The following FUT8 variants were observed in gnomAD, a reference collection of about 807,000 sequenced individuals.
The protein encoded by FUT8 is fucosyltransferase 8.
Under a neutral mutation model 71.3 loss-of-function variants are expected in FUT8, and 29 were observed. The observed-to-expected ratio is 0.41, with a 90% CI of 0.30 to 0.55. The LOEUF is 0.55. Among genes scored for constraint, FUT8 ranks in the 20% least tolerant of loss-of-function variants. FUT8 has a pLI of 0.34. For synonymous variants in FUT8, 254 were observed against 239.3 expected (o/e 1.06, Z -0.57); for missense variants, 544 against 702.1 (o/e 0.77, Z 2.55).
Position 65,413,160 on chromosome 14 carries a change from TG to T in FUT8, c.-378del, listed in dbSNP as rs1235505883. The T allele has an allele frequency of 2.0e-5, 3 of 152,858 alleles. No individual in the cohort carries two copies. The highest frequency in any genetic ancestry group is 7.2e-5 in the African/African-American group (3 of 41,458). The allele number at this position is 152,858 out of a possible 1,614,324, so 9.5% of individuals were successfully genotyped here. ...GTGGGGCAGCTGCGGCTGAGGGCTG[TG>T]GCTTTGGCAGCTGCGACGGGGAGCG... On this transcript the variant is annotated 5_prime_UTR_variant, in exon 1 of 11. Transcript: ENST00000673929. The surrounding 1 kb of genome is among the most constrained non-coding windows in gnomAD (Gnocchi z 4.1).
chr14:65,614,784 T>C (rs1889194005), intron 3 of FUT8, among the ~76,000 whole-genome samples: 1 of 152,198 alleles, frequency 6.6e-6, no homozygotes, highest in Non-Finnish European at 1.5e-5. Context: ...AAATCCTTAA[T>C]TATATATTCA....
At chr14:65,435,935 T>C (rs1156826854) in intron 1 of FUT8, among the ~76,000 whole-genome samples, 1 of 150,966 alleles carries the variant, frequency 6.6e-6, no homozygotes, top group African/African-American at 2.4e-5. Flanking sequence ...TTTTTTTTTT[T>C]TTTTTCTTTA....
chr14:65,522,842 G>A (rs974043280), intron 2 of FUT8, among the ~76,000 whole-genome samples: 3 of 151,572 alleles, frequency 2.0e-5, no homozygotes, highest in African/African-American at 4.9e-5. Flanking sequence ...CTGTCCTTGC[G>A]ATAGTTTGCT....
intron 7 of FUT8, among the ~76,000 whole-genome samples, chr14:65,701,670 A>G (rs1324726062): frequency 1.3e-5 from 2 of 152,210 alleles, no homozygotes; most frequent in Non-Finnish European, 2.9e-5. Context: ...CAAAATGACA[A>G]TTTATGAAGT....
chr14:65,673,087 T>C (rs1259071162), intron 7 of FUT8, among the ~76,000 whole-genome samples: 1 of 152,238 alleles, frequency 6.6e-6, no homozygotes, highest in Non-Finnish European at 1.5e-5. Flanking sequence ...ATGAAAATAA[T>C]GACTAGTAAA....
chr14:65,420,505 TTAATAGGGA>T (rs1262315091), intron 1 of FUT8, among the ~76,000 whole-genome samples: 5 of 151,992 alleles, frequency 3.3e-5, no homozygotes, highest in Admixed American at 3.3e-4. Context: ...TGAAAATGTT[TTAATAGGGA>T]TCATGTGTTC....
chr14:65,429,662 A>G (rs1336988074), intron 1 of FUT8, among the ~76,000 whole-genome samples: 1 of 152,062 alleles, frequency 6.6e-6, no homozygotes, highest in African/African-American at 2.4e-5. Flanking sequence ...CAGGAATTTG[A>G]GATCAGCCTG....
At chr14:65,561,108 C>T (rs137991681) in intron 2 of FUT8, among the ~76,000 whole-genome samples, 58 of 152,270 alleles carry the variant, frequency 3.8e-4, no homozygotes, top group African/African-American at 1.3e-3. Context: ...TGAGGACTTT[C>T]AGGCTTAGAG....
chr14:65,452,652 A>G (rs1207294798), intron 1 of FUT8, among the ~76,000 whole-genome samples: 1 of 152,220 alleles, frequency 6.6e-6, no homozygotes, highest in Non-Finnish European at 1.5e-5. Flanking sequence ...TCAATTGACT[A>G]CTGATCAATA....
chr14:65,381,668 C>T, the FUT8 span, among the ~76,000 whole-genome samples: 2 of 152,138 alleles, frequency 1.3e-5, no homozygotes, highest in Admixed American at 1.3e-4. Context: ...CAACTTAAAG[C>T]TTATCTTTTT....
chr14:65,451,583 G>C (rs1331549329), intron 1 of FUT8, among the ~76,000 whole-genome samples: 1 of 152,222 alleles, frequency 6.6e-6, no homozygotes, highest in Non-Finnish European at 1.5e-5. Context: ...ATCCACACTT[G>C]TGGCTCCTGA....
chr14:65,435,981 T>A (rs1245616108), intron 1 of FUT8, among the ~76,000 whole-genome samples: 1 of 147,758 alleles, frequency 6.8e-6, no homozygotes, highest in Non-Finnish European at 1.5e-5. Flanking sequence ...CAGACTGGAG[T>A]GCAGTGGTGT....
chr14:65,724,088 G>C, intron 8 of FUT8, 59 bp from the exon 9 acceptor site: 1 of 1,305,406 alleles, frequency 7.7e-7, no homozygotes, highest in Non-Finnish European at 1.0e-6. Context: ...TATAAATTGA[G>C]TACCCTCAAA....
At chr14:65,398,671 A>G in the FUT8 span, among the ~76,000 whole-genome samples, 2 of 152,040 alleles carry the variant, frequency 1.3e-5, no homozygotes, top group South Asian at 4.1e-4. Flanking sequence ...AGGAGCTTGC[A>G]GTAAGCTGAG....
chr14:65,454,797 C>T (rs1296984223), intron 1 of FUT8, among the ~76,000 whole-genome samples: 3 of 152,110 alleles, frequency 2.0e-5, no homozygotes, highest in Non-Finnish European at 2.9e-5. Context: ...ATTTGATGTG[C>T]GAATCTTTAT....
chr14:65,536,433 T>C (rs991003701), intron 2 of FUT8, among the ~76,000 whole-genome samples: 2 of 152,224 alleles, frequency 1.3e-5, no homozygotes, highest in Admixed American at 1.3e-4. Flanking sequence ...AAGGGGCTCT[T>C]GTAAGGCAAG....
chr14:65,697,933 CCATTCTGAGATCACGT>C (rs1251902179), intron 7 of FUT8, among the ~76,000 whole-genome samples: 2 of 151,798 alleles, frequency 1.3e-5, no homozygotes, highest in African/African-American at 2.4e-5. Context: ...TGAGATCACG[CCATTCTGAGATCACGT>C]CATTCCACTC....
intron 1 of FUT8, among the ~76,000 whole-genome samples, chr14:65,416,209 A>G (rs1163479869): frequency 6.6e-6 from 1 of 152,212 alleles, no homozygotes; most frequent in Non-Finnish European, 1.5e-5. Flanking sequence ...AAAGTTTTAC[A>G]ATCATAAGAG....
intron 6 of FUT8, among the ~76,000 whole-genome samples, chr14:65,639,789 C>A (rs1890743477): frequency 6.6e-6 from 1 of 152,070 alleles, no homozygotes; most frequent in African/African-American, 2.4e-5. Context: ...TGCTACTTAC[C>A]ATCTCTAGGT....
Sources: gnomAD v4.1 joint callset for allele counts (sites outside exome capture counted in the v4.1 genomes callset) on GRCh38, gnomAD v4.1.1 for gene constraint, Gnocchi (gnomAD v3.1) non-coding constraint, MANE v1.5 for transcripts, NCBI Gene and HGNC (gene_info 2026-07-23, HGNC 2026-07-21) for gene names.